The following ZFP1 variants were observed in gnomAD, a reference collection of about 807,000 sequenced individuals.
ZFP1 encodes ZFP1 zinc finger protein.
ZFP1 carries 32 observed loss-of-function variants against 38.5 expected under a neutral mutation model. That is an observed-to-expected ratio of 0.83 (90% CI 0.63 to 1.12). The LOEUF is 1.12. Ranked by LOEUF, ZFP1 falls within the 50% of genes most tolerant of loss-of-function variation. The pLI, the probability that ZFP1 is intolerant of heterozygous loss-of-function variation, is 0.00. For synonymous variants in ZFP1, 245 were observed against 168.8 expected (o/e 1.45, Z -3.50); for missense variants, 616 against 480.8 (o/e 1.28, Z -2.63).
At position 75,159,833 on chromosome 16, in the gene ZFP1, G is replaced by A. The variant is rs148833973; in HGVS notation, c.15+6867G>A. ...AGCTAAATTATTGGCAGATGATTCT[G>A]ATCCCATTGGGGCATGTTTTAAGAT... On this transcript the variant is annotated intron_variant, in intron 2 of 3. Coordinates refer to ENST00000570010, the MANE Select transcript of ZFP1 (RefSeq NM_153688.4). 4.1e-4 allele frequency among the ~76,000 whole-genome samples: 62 copies of A among 152,302 alleles called. 1 individual carries two copies. Among genetic ancestry groups the A allele is most frequent in the African/African-American group, 1.4e-3 (58 of 41,568 alleles).
intron 2 of ZFP1, among the ~76,000 whole-genome samples, chr16:75,160,218 A>C (rs565648300): frequency 1.4e-4 from 22 of 152,172 alleles, no homozygotes; most frequent in Non-Finnish European, 3.2e-4. Flanking sequence ...ACTTGAGACT[A>C]GGTAATTTAT....
At chr16:75,129,851 G>A in the ZFP1 span, among the ~76,000 whole-genome samples, 1 of 152,138 alleles carries the variant, frequency 6.6e-6, no homozygotes, top group African/African-American at 2.4e-5. Flanking sequence ...CAGAAGGAGA[G>A]ACCAAGGCAA....
At chr16:75,146,454 A>T (rs981224555), upstream of ZFP1, among the ~76,000 whole-genome samples, 8 of 151,894 alleles carry the variant, frequency 5.3e-5, no homozygotes, top group Admixed American at 3.9e-4. Flanking sequence ...GGCGTGAGCC[A>T]CTGCACCCGG....
chr16:75,120,233 CT>C, the ZFP1 span, among the ~76,000 whole-genome samples: 2 of 152,048 alleles, frequency 1.3e-5, no homozygotes, highest in Non-Finnish European at 2.9e-5. Context: ...AGAATCTTGT[CT>C]TTTTTTGAGC....
At chr16:75,162,225 C>A (rs8056670) in intron 2 of ZFP1, among the ~76,000 whole-genome samples, 1,812 of 152,110 alleles carry the variant, frequency 0.012, 37 homozygotes, top group African/African-American at 0.04. Flanking sequence ...TTGGCTCAAG[C>A]AATCCTCCCA....
At position 75,169,685 on chromosome 16, in the gene ZFP1, C is replaced by A. The variant is rs763264743; in HGVS notation, c.575C>A (p.Ala192Asp). ...QPFICTYCDK[A>D]FSFKSLLISH... ...TTCATTTGTACTTACTGTGACAAGG[C>A]TTTCTCCTTTAAGTCACTCCTCATT... Residue 192 changes from alanine (A) to aspartate (D), a missense_variant, in exon 4 of 4, where the codon GCT becomes GAT. Physicochemically the swap from Ala to Asp is moderately radical, Grantham distance 126. Transcript: ENST00000570010. 1 of 1,610,850 alleles carries A rather than the reference C, an allele frequency of 6.2e-7. No individual in the cohort carries two copies.
chr16:75,172,187 G>A lies in ZFP1; in HGVS notation c.*1853G>A, dbSNP rs919464255. ...GAAAGCAAGAGGGGAGAGAGAGAGT[G>A]TATGTGTGTGTGTAGCAGTTTTTAT... On this transcript the variant is annotated 3_prime_UTR_variant, in exon 4 of 4. Transcript: ENST00000570010. The A allele has an allele frequency of 6.6e-6, 1 of 152,198 alleles. No individual in the cohort carries two copies. Among genetic ancestry groups the A allele is most frequent in the Admixed American group, 6.5e-5 (1 of 15,290 alleles). The allele number at this position is 152,198 out of a possible 1,614,324, so 9.4% of individuals were successfully genotyped here. A position where few individuals can be genotyped will look rare whatever the true frequency, so the allele number is the denominator to read the frequency against.
chr16:75,150,031 C>T (rs935929238), intron 1 of ZFP1, among the ~76,000 whole-genome samples: 2 of 151,796 alleles, frequency 1.3e-5, no homozygotes, highest in African/African-American at 2.4e-5. Flanking sequence ...GTGATTCTCC[C>T]GCCTTGGCTT....
In ZFP1 at chr16:75,169,320, T is replaced by C; in HGVS notation, c.210T>C (p.Phe70=). 1 of 1,614,146 alleles carries C rather than the reference T, an allele frequency of 6.2e-7. No homozygotes were observed. The highest frequency in any genetic ancestry group is 8.5e-7 in the Non-Finnish European group (1 of 1,180,018). The change falls in exon 4 of 4, where the codon TTT becomes TTC. Residue 70 remains phenylalanine (F), a synonymous_variant. Coordinates refer to ENST00000570010, the MANE Select transcript of ZFP1 (RefSeq NM_153688.4). ...ACCCAGACGAGCAGGCGAGGCAATT[T>C]TTAATTCTTAAGAACCAAACCCCAA... is the stretch of plus-strand genomic sequence containing the variant. ...HRNPDEQARQ[F]LILKNQTPIE...
intron 2 of ZFP1, among the ~76,000 whole-genome samples, chr16:75,164,539 G>T (rs763521169): frequency 1.3e-5 from 2 of 152,022 alleles, no homozygotes; most frequent in Non-Finnish European, 2.9e-5. Context: ...ACTGATTCTT[G>T]CTGGGCTTAA....
rs1354758466 is a variant in ZFP1, at chr16:75,166,882, A to G, written c.128A>G (p.Asn43Ser). The change falls in exon 3 of 4, where the codon AAC (asparagine) becomes AGC (serine). Residue 43 changes from asparagine (N) to serine (S), a missense_variant. Coordinates refer to ENST00000570010, the MANE Select transcript of ZFP1 (RefSeq NM_153688.4). The part of the protein sequence containing the change: ...YMDVMLENYS[N>S]LLSVEVWKAD... ...GATGTGATGCTGGAGAATTATAGCA[A>G]CTTACTTTCAGTGGGTAAGGACGGT... is the stretch of plus-strand genomic sequence containing the variant. 1.2e-6 allele frequency: 2 copies of G among 1,613,838 alleles called. No homozygotes were observed. Among genetic ancestry groups the G allele is most frequent in the East Asian group, 4.5e-5 (2 of 44,860 alleles).
rs575788718 is a variant in ZFP1, at chr16:75,154,093, G to A, written c.15+1127G>A. On this transcript the variant is annotated intron_variant, in intron 2 of 3. Transcript: ENST00000570010. ...CAAAAAATTAGCCAGGCGTGGTGGC[G>A]GGCGCCTGTAGTCCCAGCTACTCGG... is the stretch of plus-strand genomic sequence containing the variant. Among the ~76,000 whole-genome samples, 7 of 152,274 alleles carry A rather than the reference G, an allele frequency of 4.6e-5. No individual in the cohort carries two copies. In the South Asian group the frequency reaches 1.0e-3, roughly 23 times the overall value.
chr16:75,144,042 A>C (rs868624622), upstream of ZFP1: 1 of 152,358 alleles, frequency 6.6e-6, no homozygotes, highest in South Asian at 2.1e-4. Flanking sequence ...CAGGTCAGCA[A>C]TGTGTTTCTC....
chr16:75,165,461 C>G (rs1403840623), intron 2 of ZFP1, among the ~76,000 whole-genome samples: 3 of 152,030 alleles, frequency 2.0e-5, no homozygotes, highest in African/African-American at 7.3e-5. Context: ...GTGGGGCAGT[C>G]TGGGCTCACT....
At chr16:75,161,775 T>TATATATATA (rs59261786) in intron 2 of ZFP1, among the ~76,000 whole-genome samples, 17 of 6,250 alleles carry the variant, frequency 2.7e-3, no homozygotes, top group African/African-American at 8.1e-3. Flanking sequence ...TATATATATA[T>TATATATATA]TTTTTTTTTT....
the ZFP1 span, among the ~76,000 whole-genome samples, chr16:75,141,752 AAAAGAG>A: frequency 6.6e-6 from 1 of 151,694 alleles, no homozygotes; most frequent in African/African-American, 2.4e-5. Context: ...TAAAAAAAAA[AAAAGAG>A]AGAAAAAGAG....
the ZFP1 span, among the ~76,000 whole-genome samples, chr16:75,139,166 G>A: frequency 2.6e-5 from 4 of 151,790 alleles, no homozygotes; most frequent in Admixed American, 2.0e-4. Flanking sequence ...TCAGGGGATC[G>A]AGACCATCCT....
chr16:75,135,925 C>T, the ZFP1 span, among the ~76,000 whole-genome samples: 1 of 152,200 alleles, frequency 6.6e-6, no homozygotes, highest in African/African-American at 2.4e-5. Flanking sequence ...AGGCGATTCT[C>T]CTGCCTCAGC....
chr16:75,167,019 C>G, intron 3 of ZFP1, 123 bp downstream of exon 3: 1 of 1,490,116 alleles, frequency 6.7e-7, no homozygotes, highest in Non-Finnish European at 9.0e-7. Flanking sequence ...GGTATTAAAC[C>G]TGAGAGATCT....
Sources: gnomAD v4.1 joint callset for allele counts (sites outside exome capture counted in the v4.1 genomes callset) on GRCh38, gnomAD v4.1.1 for gene constraint, MANE v1.5 for transcripts, NCBI Gene and HGNC (gene_info 2026-07-23, HGNC 2026-07-21) for gene names.